Variants in CCDC149 observed in about 807,000 individuals in gnomAD.
CCDC149 encodes the protein coiled-coil domain containing 149, also known as coiled-coil domain-containing protein 149.
In CCDC149, 45 loss-of-function variants were observed where a neutral mutation model predicts 59.9. The ratio of observed to expected loss-of-function variants is 0.75; its 90% CI spans 0.59 to 0.96. CCDC149 has a LOEUF of 0.96. Among genes scored for constraint, CCDC149 ranks in the 40% least tolerant of loss-of-function variants. The pLI is 0.00. For missense variants in CCDC149, 584 were observed against 664.7 expected, an observed-to-expected ratio of 0.88 and a Z score of 1.33; for synonymous variants, 245 against 260.6, an observed-to-expected ratio of 0.94 and a Z score of 0.58.
At chr4:24,926,503 C>G (rs1009804226) in intron 1 of CCDC149, among the ~76,000 whole-genome samples, 1 of 152,178 alleles carries the variant, frequency 6.6e-6, no homozygotes, top group Non-Finnish European at 1.5e-5. Context: ...CTTCCAGAAC[C>G]CACTGCGGAG....
At chr4:24,839,141 G>A (rs1462238343) in intron 4 of CCDC149, among the ~76,000 whole-genome samples, 2 of 151,462 alleles carry the variant, frequency 1.3e-5, no homozygotes, top group Non-Finnish European at 2.9e-5. Context: ...TGTGTATTTC[G>A]GTGATGGTGA....
chr4:24,931,310 A>AATATATATATATAT (rs71187200), intron 1 of CCDC149, among the ~76,000 whole-genome samples: 2,014 of 138,124 alleles, frequency 0.015, 26 homozygotes, highest in Middle Eastern at 0.035. Context: ...TTTATTTTAA[A>AATATATATATATAT]ATATATATAT....
In CCDC149 at chr4:24,919,583, A is replaced by C. The variant is rs535600949; in HGVS notation, c.-64-24465T>G. Among the ~76,000 whole-genome samples, 13 of 152,366 alleles carry C rather than the reference A, an allele frequency of 8.5e-5. No homozygotes were observed. The South Asian group carries it at 2.7e-3, about 32-fold the overall frequency. On this transcript the variant is annotated intron_variant, in intron 1 of 12. Coordinates refer to the CCDC149 transcript ENST00000389609. ...GGAGGGGCAGGATTGAAGACTACCAAGATGTGGAAAGCATGAATGGGTGAT... is the reference window on the plus strand; with the variant it reads ...GGAGGGGCAGGATTGAAGACTACCACGATGTGGAAAGCATGAATGGGTGAT...
chr4:24,823,742 A>T (rs1037595772), intron 9 of CCDC149, among the ~76,000 whole-genome samples: 2 of 152,168 alleles, frequency 1.3e-5, no homozygotes, highest in Non-Finnish European at 2.9e-5. Context: ...CTTAATTAAT[A>T]TTCCCTTTGA....
At chr4:24,869,640 T>G (rs1355954326) in intron 3 of CCDC149, among the ~76,000 whole-genome samples, 1 of 152,194 alleles carries the variant, frequency 6.6e-6, no homozygotes, top group Non-Finnish European at 1.5e-5. Flanking sequence ...CATTGATGGA[T>G]GCTCACCTTG....
chr4:24,931,374 T>C (rs945300032), intron 1 of CCDC149, among the ~76,000 whole-genome samples: 3 of 148,742 alleles, frequency 2.0e-5, no homozygotes, highest in African/African-American at 7.6e-5. Flanking sequence ...AAATTAAGCC[T>C]AAACTCCCAG....
At chr4:24,851,263 TTTTC>T (rs1211345814) in intron 4 of CCDC149, among the ~76,000 whole-genome samples, 3 of 152,216 alleles carry the variant, frequency 2.0e-5, no homozygotes, top group African/African-American at 4.8e-5. Context: ...CCTCCTTTTC[TTTTC>T]TTTCTTTTTG....
chr4:24,908,404 T>C (rs2109321074), intron 1 of CCDC149, among the ~76,000 whole-genome samples: 1 of 152,016 alleles, frequency 6.6e-6, no homozygotes, highest in Non-Finnish European at 1.5e-5. Flanking sequence ...CCTTTCCAAA[T>C]ATCAGTGGCT....
At chr4:24,963,257 G>A (rs893157251) in intron 1 of CCDC149, among the ~76,000 whole-genome samples, 4 of 151,940 alleles carry the variant, frequency 2.6e-5, no homozygotes, top group Non-Finnish European at 5.9e-5. Context: ...TCTCTGCCAA[G>A]GTAGGTCAGT....
intron 2 of CCDC149, among the ~76,000 whole-genome samples, chr4:24,874,240 A>ATTTTTTTTTTTTT (rs1560230340): frequency 1.2e-5 from 1 of 85,772 alleles, no homozygotes; most frequent in African/African-American, 5.8e-5. Flanking sequence ...GTCCTATTAG[A>ATTTTTTTTTTTTT]TTTGTTTTTT....
At chr4:24,845,747 T>A (rs566113365) in intron 4 of CCDC149, among the ~76,000 whole-genome samples, 1 of 152,302 alleles carries the variant, frequency 6.6e-6, no homozygotes, top group South Asian at 2.1e-4. Flanking sequence ...CCAGCCTCCA[T>A]GAGGCAAGTA....
At chr4:24,877,033 T>C (rs1195703617) in intron 1 of CCDC149, among the ~76,000 whole-genome samples, 3 of 152,192 alleles carry the variant, frequency 2.0e-5, no homozygotes, top group Non-Finnish European at 4.4e-5. Flanking sequence ...AAAATTTTAT[T>C]AAGATATTTA....
intron 1 of CCDC149, among the ~76,000 whole-genome samples, chr4:24,973,934 G>A (rs867145810): frequency 6.6e-6 from 1 of 152,240 alleles, no homozygotes; most frequent in Admixed American, 6.5e-5. Flanking sequence ...TGCAGTCCCC[G>A]AGCCCGGGAA....
intron 1 of CCDC149, among the ~76,000 whole-genome samples, chr4:24,884,622 C>T (rs973687511): frequency 3.9e-5 from 6 of 152,160 alleles, no homozygotes; most frequent in African/African-American, 1.4e-4. Context: ...GGGAACACGG[C>T]AGGAGGAGCT....
At chr4:24,869,862 C>T (rs1226528688) in intron 3 of CCDC149, among the ~76,000 whole-genome samples, 1 of 152,208 alleles carries the variant, frequency 6.6e-6, no homozygotes. Flanking sequence ...CTGCTAACTC[C>T]TAACAGCTCT....
At chr4:24,836,575 A>C in intron 6 of CCDC149, 67 bp from the exon 7 acceptor site, 2 of 1,123,398 alleles carry the variant, frequency 1.8e-6, no homozygotes, top group Non-Finnish European at 2.7e-6. Flanking sequence ...CTGAAGTATA[A>C]GGGGAAAAAA....
intron 8 of CCDC149, among the ~76,000 whole-genome samples, chr4:24,834,414 C>T (rs1716359862): frequency 6.6e-6 from 1 of 152,078 alleles, no homozygotes; most frequent in African/African-American, 2.4e-5. Flanking sequence ...AAAAAAATTG[C>T]AATCAATAAA....
At chr4:24,906,153 C>T (rs1300584888) in intron 1 of CCDC149, among the ~76,000 whole-genome samples, 2 of 152,158 alleles carry the variant, frequency 1.3e-5, no homozygotes, top group Non-Finnish European at 2.9e-5. Context: ...ATTTTGGAGG[C>T]AGGCATCTTT....
intron 1 of CCDC149, among the ~76,000 whole-genome samples, chr4:24,945,863 C>A (rs1222611676): frequency 6.6e-6 from 1 of 152,090 alleles, no homozygotes; most frequent in Non-Finnish European, 1.5e-5. Context: ...CTCAAGTGAT[C>A]CACCCACCTG....
Sources: allele counts gnomAD v4.1 joint callset (sites outside exome capture counted in the v4.1 genomes callset), GRCh38; gene constraint gnomAD v4.1.1; transcripts MANE v1.5; gene names NCBI Gene and HGNC (gene_info 2026-07-23, HGNC 2026-07-21).